EVI5: variants seen among roughly 807,000 people sequenced by gnomAD.
EVI5 encodes the protein ecotropic viral integration site 5 protein homolog.
Under a neutral mutation model 112.0 loss-of-function variants are expected in EVI5, and 73 were observed. The observed-to-expected ratio is 0.65, with a 90% confidence interval of 0.54 to 0.79. The LOEUF (loss-of-function observed/expected upper bound fraction) is 0.79, where lower values mean the gene tolerates loss of function less well. Among genes scored for constraint, EVI5 ranks in the 30% least tolerant of loss-of-function variants. The pLI is 0.00. For synonymous variants in EVI5, 305 were observed against 319.9 expected, an observed-to-expected ratio of 0.95 and a Z score of 0.50; for missense variants, 900 against 968.8, an observed-to-expected ratio of 0.93 and a Z score of 0.94.
At chr1:92,730,501 C>CCG (rs951260819) in intron 2 of EVI5, among the ~76,000 whole-genome samples, 2 of 151,630 alleles carry the variant, frequency 1.3e-5, no homozygotes, top group African/African-American at 4.8e-5. Flanking sequence ...CGAAGCAAGA[C>CCG]CCCGTCTCTA....
intron 1 of EVI5, among the ~76,000 whole-genome samples, chr1:92,745,324 T>C (rs940910459): frequency 1.3e-5 from 2 of 152,200 alleles, no homozygotes; most frequent in African/African-American, 4.8e-5. Flanking sequence ...TTGTGTGCTC[T>C]GTGTCATGTT....
chr1:92,635,555 C>T (rs1038378093), intron 14 of EVI5, among the ~76,000 whole-genome samples: 9 of 152,134 alleles, frequency 5.9e-5, no homozygotes, highest in African/African-American at 1.4e-4. Context: ...GCGAGTGACC[C>T]GATTTTCCAG....
At chr1:92,640,398 A>G (rs1325793225) in intron 13 of EVI5, among the ~76,000 whole-genome samples, 1 of 152,222 alleles carries the variant, frequency 6.6e-6, no homozygotes, top group Non-Finnish European at 1.5e-5. Flanking sequence ...TGGGGAACCT[A>G]AACAAATTTA....
chr1:92,540,285 A>T (rs1191547248), intron 19 of EVI5, among the ~76,000 whole-genome samples: 1 of 152,164 alleles, frequency 6.6e-6, no homozygotes, highest in African/African-American at 2.4e-5. Flanking sequence ...AAGTGGCTGT[A>T]CCATTTTACC....
In EVI5 at chr1:92,568,465, G is replaced by A. The variant is rs79279533; in HGVS notation, c.2071-4728C>T. The stretch of plus-strand genomic sequence containing the variant: ...AATAATAGCTATTATATATTGAACA[G>A]GTACAACACTTATGAGCCCTTCTCA... On this transcript the variant is annotated intron_variant, in intron 18 of 19. Coordinates refer to ENST00000684568, the MANE Select transcript of EVI5 (RefSeq NM_001350197.2). Among the ~76,000 whole-genome samples the A allele has an allele frequency of 6.0e-3, 918 of 151,778 alleles. 6 individuals are homozygous for A. Among genetic ancestry groups the A allele is most frequent in the Non-Finnish European group, 9.0e-3 (611 of 67,958 alleles).
chr1:92,769,667 C>T (rs1203927910), intron 1 of EVI5, among the ~76,000 whole-genome samples: 1 of 152,164 alleles, frequency 6.6e-6, no homozygotes, highest in Non-Finnish European at 1.5e-5. Context: ...AGGCAGATCA[C>T]AAGGTCAGAT....
intron 13 of EVI5, among the ~76,000 whole-genome samples, chr1:92,661,846 G>T (rs1359615033): frequency 6.6e-6 from 1 of 152,038 alleles, no homozygotes; most frequent in Non-Finnish European, 1.5e-5. Flanking sequence ...TTGCCTTCCA[G>T]ATCTGCATAG....
At chr1:92,627,332 T>C (rs1338347994) in intron 14 of EVI5, among the ~76,000 whole-genome samples, 3 of 152,236 alleles carry the variant, frequency 2.0e-5, no homozygotes, top group African/African-American at 7.2e-5. Flanking sequence ...ACACTGCAAA[T>C]GCTGTTAATT....
At chr1:92,767,393 A>G (rs1026547727) in intron 1 of EVI5, among the ~76,000 whole-genome samples, 8 of 152,242 alleles carry the variant, frequency 5.3e-5, no homozygotes, top group African/African-American at 1.9e-4. Context: ...TGAACAGGTA[A>G]ATACATGCTA....
intron 18 of EVI5, among the ~76,000 whole-genome samples, chr1:92,566,277 A>C (rs934837484): frequency 1.3e-5 from 2 of 152,202 alleles, no homozygotes; most frequent in African/African-American, 2.4e-5. Context: ...TAGACTTAAA[A>C]ATTTTTTCTT....
At chr1:92,639,162 A>G (rs59459727) in intron 13 of EVI5, among the ~76,000 whole-genome samples, 3,961 of 152,306 alleles carry the variant, frequency 0.026, 130 homozygotes, top group African/African-American at 0.074. Context: ...CTGTGATACC[A>G]GCAATCCCAT....
chr1:92,587,113 AC>A (rs1477845852), intron 18 of EVI5, among the ~76,000 whole-genome samples: 1 of 152,148 alleles, frequency 6.6e-6, no homozygotes, highest in East Asian at 1.9e-4. Flanking sequence ...TTAACTGTGT[AC>A]TGAAGTTGGA....
At chr1:92,699,393 C>G (rs1670788241) in intron 5 of EVI5, among the ~76,000 whole-genome samples, 1 of 152,148 alleles carries the variant, frequency 6.6e-6, no homozygotes, top group Non-Finnish European at 1.5e-5. Context: ...ACAGAATAGT[C>G]TACCTATATC....
chr1:92,649,264 G>C (rs1400704020), intron 13 of EVI5, among the ~76,000 whole-genome samples: 4 of 152,150 alleles, frequency 2.6e-5, no homozygotes, highest in Non-Finnish European at 5.9e-5. Flanking sequence ...ATATATTCTG[G>C]ATGGTAGATC....
chr1:92,632,266 C>T (rs898831043), intron 14 of EVI5, among the ~76,000 whole-genome samples: 1 of 152,134 alleles, frequency 6.6e-6, no homozygotes. Context: ...GTACCAGCTC[C>T]TCCTTGTACC....
intron 1 of EVI5, among the ~76,000 whole-genome samples, chr1:92,765,542 C>T (rs1682494588): frequency 1.3e-5 from 2 of 150,418 alleles, no homozygotes; most frequent in South Asian, 4.2e-4. Flanking sequence ...AAAAAAAAGA[C>T]CCAGAAAAGT....
upstream of EVI5, among the ~76,000 whole-genome samples, chr1:92,785,450 C>T (rs1477797241): frequency 6.6e-6 from 1 of 152,224 alleles, no homozygotes; most frequent in African/African-American, 2.4e-5. Flanking sequence ...AGGGCCCTGG[C>T]ACGCGGTGCT....
At chr1:92,725,489 C>A (rs1213645945) in intron 2 of EVI5, among the ~76,000 whole-genome samples, 1 of 152,076 alleles carries the variant, frequency 6.6e-6, no homozygotes, top group Non-Finnish European at 1.5e-5. Flanking sequence ...AATTCACAAT[C>A]TCAGGTATTC....
At chr1:92,657,848 C>G (rs1663274624) in intron 13 of EVI5, among the ~76,000 whole-genome samples, 1 of 152,156 alleles carries the variant, frequency 6.6e-6, no homozygotes, top group Admixed American at 6.5e-5. Flanking sequence ...GAAGCAGGAG[C>G]AGGTATGTCA....
Sources: gnomAD v4.1 joint callset for allele counts (sites outside exome capture counted in the v4.1 genomes callset) on GRCh38, gnomAD v4.1.1 for gene constraint, MANE v1.5 for transcripts, NCBI Gene and HGNC (gene_info 2026-07-23, HGNC 2026-07-21) for gene names.